Variants in NXPH2 observed in about 807,000 individuals in gnomAD.
The protein encoded by NXPH2 is neurexophilin 2.
NXPH2 carries 5 observed loss-of-function variants against 19.8 expected under a neutral mutation model. The ratio of observed to expected loss-of-function variants is 0.25; its 90% CI spans 0.13 to 0.53. The LOEUF is 0.53. NXPH2 is among the 20% of genes least tolerant of loss of function. NXPH2 has a pLI of 0.96. For missense variants in NXPH2, 289 were observed against 322.8 expected (o/e 0.90, Z 0.80); for synonymous variants, 154 against 127.4 (o/e 1.21, Z -1.41).
At chr2:138,738,222 G>A (rs550516422) in intron 1 of NXPH2, among the ~76,000 whole-genome samples, 1 of 152,132 alleles carries the variant, frequency 6.6e-6, no homozygotes, top group Non-Finnish European at 1.5e-5. Flanking sequence ...TAAGATTTGA[G>A]TTCTATATCT....
chr2:138,771,955 C>T (rs1245312879), intron 1 of NXPH2, among the ~76,000 whole-genome samples: 2 of 152,118 alleles, frequency 1.3e-5, no homozygotes, highest in East Asian at 3.8e-4. Flanking sequence ...AAAAAGAGAG[C>T]AAAAGCCATG....
At chr2:138,762,571 C>T (rs1157893630) in intron 1 of NXPH2, among the ~76,000 whole-genome samples, 3 of 152,140 alleles carry the variant, frequency 2.0e-5, no homozygotes, top group Non-Finnish European at 2.9e-5. Flanking sequence ...GGTCTACTAA[C>T]TAAATGTGGT....
chr2:138,706,591 T>C (rs1681015530), intron 1 of NXPH2, among the ~76,000 whole-genome samples: 1 of 152,154 alleles, frequency 6.6e-6, no homozygotes, highest in Non-Finnish European at 1.5e-5. Context: ...GGCTGATGAA[T>C]ATGAATGAGA....
chr2:138,684,791 T>C (rs975838023), intron 1 of NXPH2, among the ~76,000 whole-genome samples: 1 of 152,160 alleles, frequency 6.6e-6, no homozygotes, highest in Non-Finnish European at 1.5e-5. Flanking sequence ...AGAGTCCCCT[T>C]TACATCCATG....
chr2:138,775,740 C>A (rs921555558), intron 1 of NXPH2, among the ~76,000 whole-genome samples: 1 of 152,078 alleles, frequency 6.6e-6, no homozygotes, highest in African/African-American at 2.4e-5. Flanking sequence ...AAATCACCAT[C>A]CTGCATACTA....
intron 1 of NXPH2, among the ~76,000 whole-genome samples, chr2:138,676,897 G>C (rs912170637): frequency 1.3e-5 from 2 of 152,178 alleles, no homozygotes; most frequent in African/African-American, 4.8e-5. Context: ...TATGTTTCTA[G>C]TCTTACTGGC....
At chr2:138,771,897 C>T (rs553779565) in intron 1 of NXPH2, among the ~76,000 whole-genome samples, 2 of 152,096 alleles carry the variant, frequency 1.3e-5, no homozygotes, top group Non-Finnish European at 1.5e-5. Context: ...ATAACATCCA[C>T]TACAATATTA....
At chr2:138,711,511 T>A (rs59837768) in intron 1 of NXPH2, among the ~76,000 whole-genome samples, 22,750 of 152,132 alleles carry the variant, frequency 0.15, 2,118 homozygotes, top group African/African-American at 0.25. Context: ...GGCTATCTCA[T>A]GACAACAGCT....
At chr2:138,739,716 A>G (rs955298917) in intron 1 of NXPH2, among the ~76,000 whole-genome samples, 1 of 152,204 alleles carries the variant, frequency 6.6e-6, no homozygotes, top group Non-Finnish European at 1.5e-5. Flanking sequence ...ACATCTGATC[A>G]AAGGGGCTGT....
chr2:138,681,552 A>G (rs1047798558), intron 1 of NXPH2, among the ~76,000 whole-genome samples: 5 of 152,244 alleles, frequency 3.3e-5, no homozygotes, highest in Non-Finnish European at 7.3e-5. Flanking sequence ...TAGTACACCA[A>G]AAATATGTAG....
intron 1 of NXPH2, among the ~76,000 whole-genome samples, chr2:138,713,973 C>CA (rs202017615): frequency 0.28 from 39,332 of 142,338 alleles, 5,516 homozygotes; most frequent in East Asian, 0.54. Flanking sequence ...AACAAAAAAG[C>CA]AAAAAAAAAA....
At chr2:138,753,917 ACTCATC>A (rs1681862233) in intron 1 of NXPH2, among the ~76,000 whole-genome samples, 1 of 152,050 alleles carries the variant, frequency 6.6e-6, no homozygotes, top group Non-Finnish European at 1.5e-5. Context: ...TACAGACTCC[ACTCATC>A]ATTCATATAT....
intron 1 of NXPH2, among the ~76,000 whole-genome samples, chr2:138,766,812 G>T (rs1682099938): frequency 6.6e-6 from 1 of 152,092 alleles, no homozygotes; most frequent in Non-Finnish European, 1.5e-5. Flanking sequence ...AGGTCAAAAT[G>T]CTTTTTCCAC....
intron 1 of NXPH2, among the ~76,000 whole-genome samples, chr2:138,694,929 A>G (rs542072387): frequency 5.3e-5 from 8 of 152,308 alleles, no homozygotes; most frequent in African/African-American, 1.9e-4. Context: ...ACCTAGATGT[A>G]TAGCCTACTA....
intron 1 of NXPH2, among the ~76,000 whole-genome samples, chr2:138,714,627 G>C (rs1681161777): frequency 6.6e-6 from 1 of 151,790 alleles, no homozygotes; most frequent in Admixed American, 6.6e-5. Context: ...TTACTGGTCT[G>C]ATAAAAAAAA....
At chr2:138,762,071 G>A (rs1240819045) in intron 1 of NXPH2, among the ~76,000 whole-genome samples, 1 of 152,202 alleles carries the variant, frequency 6.6e-6, no homozygotes, top group African/African-American at 2.4e-5. Context: ...ATTCAGAACT[G>A]AATGTGAGTG....
At position 138,718,682 on chromosome 2, in the gene NXPH2, C is replaced by T. The variant is rs1414081109; in HGVS notation, c.52-47017G>A. On this transcript the variant is annotated intron_variant, in intron 1 of 1. Coordinates refer to ENST00000272641, the MANE Select transcript of NXPH2 (RefSeq NM_007226.3). ...GGACCTTGATGCCTGGGGCATTATC[C>T]TATGAGTGGCTAAAGGTAAGTGTCT... Among the ~76,000 whole-genome samples, 16 of 152,252 alleles carry T rather than the reference C, an allele frequency of 1.1e-4. No individual in the cohort carries two copies. In the South Asian group the frequency reaches 1.9e-3, roughly 18 times the overall value.
chr2:138,701,610 T>C (rs1008413546), intron 1 of NXPH2, among the ~76,000 whole-genome samples: 1 of 152,206 alleles, frequency 6.6e-6, no homozygotes, highest in Non-Finnish European at 1.5e-5. Context: ...GATGAGGAGA[T>C]TGCGGCTTGG....
At position 138,670,316 on chromosome 2, in the gene NXPH2, C is replaced by T. The variant is rs775851855; in HGVS notation, c.*606G>A. On this transcript the variant is annotated 3_prime_UTR_variant, in exon 2 of 2. Transcript: ENST00000272641. Reference sequence around the variant, plus strand: ...GGCTAAGTGCTCAAATCACATTCCACGCAACTGTAGCTCAGATGATAAGGA... The same window carrying T: ...GGCTAAGTGCTCAAATCACATTCCATGCAACTGTAGCTCAGATGATAAGGA... 5.9e-5 allele frequency among the ~76,000 whole-genome samples: 9 copies of T among 152,174 alleles called. No homozygotes were observed. Among genetic ancestry groups the T allele is most frequent in the Non-Finnish European group, 1.2e-4 (8 of 68,028 alleles).
Sources: allele counts gnomAD v4.1 joint callset (sites outside exome capture counted in the v4.1 genomes callset), GRCh38; gene constraint gnomAD v4.1.1; transcripts MANE v1.5; gene names NCBI Gene and HGNC (gene_info 2026-07-23, HGNC 2026-07-21).